ATP2A3: variants seen among roughly 807,000 people sequenced by gnomAD.
ATP2A3 encodes sarcoplasmic/endoplasmic reticulum calcium ATPase 3.
A neutral mutation model predicts 106.8 loss-of-function variants in ATP2A3; 61 were observed. That is an observed-to-expected ratio of 0.57 (90% CI 0.46 to 0.71). ATP2A3 has a LOEUF of 0.71. Among genes scored for constraint, ATP2A3 ranks in the 30% least tolerant of loss-of-function variants. The probability of loss-of-function intolerance (pLI) is 0.00; values close to 1 mark genes in which losing one functional copy is unlikely to be tolerated. For missense variants in ATP2A3, 1,201 were observed against 1,423.5 expected (o/e 0.84, Z 2.52); for synonymous variants, 611 against 609.3 (o/e 1.00, Z -0.04).
rs1304293327 is a variant in ATP2A3 at position 3,929,921 on chromosome 17, C to G, written c.2744+380G>C. The stretch of plus-strand genomic sequence containing the variant: ...CCTCTGATCCCAATCCTGAACCCCC[C>G]AAACATCAGACCCCAACCTGAACCC... On this transcript the variant is annotated intron_variant, in intron 18 of 20. Transcript: ENST00000397041. This position sits in a 1 kb window ranked among gnomAD's most constrained non-coding sequence, Gnocchi z 4.3. 1.3e-5 allele frequency among the ~76,000 whole-genome samples: 2 copies of G among 151,734 alleles called. No homozygotes were observed. Among genetic ancestry groups the G allele is most frequent in the Admixed American group, 1.3e-4 (2 of 15,242 alleles).
chr17:3,951,785 G>T, intron 3 of ATP2A3, 100 bp from the exon 4 acceptor site: 1 of 1,212,202 alleles, frequency 8.2e-7, no homozygotes, highest in East Asian at 2.5e-5. Flanking sequence ...CCCTGCTTTG[G>T]GGAGATAGCA....
chr17:3,927,736 T>C (rs1408870218), intron 20 of ATP2A3: 1 of 967,454 alleles, frequency 1.0e-6, no homozygotes, highest in Non-Finnish European at 1.2e-6. Context: ...AGCCCCTACA[T>C]GTGTCTGGCC....
At position 3,924,878 on chromosome 17, in the gene ATP2A3, C is replaced by T. The variant is rs2052620521; in HGVS notation, c.*544G>A. ...AAGCAGAGTGGAGTGGAGGGGGCTG[C>T]CCACCCTCGCTGTACACAGCTGGGC... On this transcript the variant is annotated 3_prime_UTR_variant, in exon 21 of 21. Transcript: ENST00000397041. This position sits in a 1 kb window ranked among gnomAD's most constrained non-coding sequence, Gnocchi z 6.4. 24 of 456,674 alleles carry T rather than the reference C, an allele frequency of 5.3e-5. No individual in the cohort carries two copies. Among genetic ancestry groups the T allele is most frequent in the South Asian group, 3.6e-4 (23 of 64,530 alleles). The allele number at this position is 456,674 out of a possible 1,614,324, so 28.3% of individuals were successfully genotyped here. A position where few individuals can be genotyped will look rare whatever the true frequency, so the allele number is the denominator to read the frequency against.
Position 3,936,155 on chromosome 17 carries a change from A to G in ATP2A3, c.2524+112T>C. 7.3e-7 allele frequency: 1 copy of G among 1,364,056 alleles called. No individual in the cohort carries two copies. The highest frequency in any genetic ancestry group is 1.2e-5 in the South Asian group (1 of 85,014). The allele number at this position is 1,364,056 out of a possible 1,614,324, so 84.5% of individuals were successfully genotyped here. ...GGTCTTTTCCATTACATGAGCTCATACAGTTTCTACTGGCACAAGCCAGGC... is the reference window on the plus strand; with the variant it reads ...GGTCTTTTCCATTACATGAGCTCATGCAGTTTCTACTGGCACAAGCCAGGC... On this transcript the variant is annotated intron_variant, in intron 16 of 20. Transcript: ENST00000397041. The surrounding 1 kb of genome is among the most constrained non-coding windows in gnomAD (Gnocchi z 5.4).
rs768375080 is a variant in ATP2A3 at position 3,925,369 on chromosome 17, T to A, written c.*53A>T. 2.7e-5 allele frequency: 44 copies of A among 1,613,694 alleles called. No homozygotes were observed. Among genetic ancestry groups the A allele is most frequent in the Non-Finnish European group, 3.7e-5 (44 of 1,179,886 alleles). Reference sequence around the variant, plus strand: ...AGGGTGGGGGGCGGAGGCGAACACATGGGCACCATCAGTCTGAGGTACACA... The same window carrying A: ...AGGGTGGGGGGCGGAGGCGAACACAAGGGCACCATCAGTCTGAGGTACACA... On this transcript the variant is annotated 3_prime_UTR_variant, in exon 21 of 21. Transcript: ENST00000397041. The surrounding 1 kb of genome is among the most constrained non-coding windows in gnomAD (Gnocchi z 4.2).
At position 3,944,700 on chromosome 17, in the gene ATP2A3, C is replaced by T. The variant is rs2053987553; in HGVS notation, c.1287+4G>A. On this transcript the variant is annotated splice_donor_region_variant and intron_variant, in intron 10 of 20. Transcript: ENST00000397041. Reference sequence around the variant, plus strand: ...GGGAGGTCATGAAAGGGGGTGAGGCCCACCTCGTTGTAGTCCAGAGCCGAG... The same window carrying T: ...GGGAGGTCATGAAAGGGGGTGAGGCTCACCTCGTTGTAGTCCAGAGCCGAG... 6.2e-7 allele frequency: 1 copy of T among 1,612,514 alleles called. No homozygotes were observed. The highest frequency in any genetic ancestry group is 2.2e-5 in the East Asian group (1 of 44,858).
intron 1 of ATP2A3, among the ~76,000 whole-genome samples, chr17:3,961,479 C>T (rs561530576): frequency 6.6e-6 from 1 of 151,486 alleles, no homozygotes; most frequent in South Asian, 2.1e-4. Context: ...TGCCGAGGCT[C>T]CCCAGCTCTG....
At position 3,947,503 on chromosome 17, in the gene ATP2A3, C is replaced by CGT; in HGVS notation, c.981_982dup (p.Arg328HisfsTer43). ...CAGGCTTCGCACGATGGCGTTCTTG[C>CGT]GTGCCATGCGCCGCGTGCCCAGTGC... On this transcript the variant is annotated frameshift_variant, in exon 8 of 21. Transcript: ENST00000397041. LOFTEE classifies it high-confidence loss of function. This position sits in a 1 kb window ranked among gnomAD's most constrained non-coding sequence, Gnocchi z 7.7. The CGT allele has an allele frequency of 3.7e-6, 6 of 1,613,500 alleles. No individual in the cohort carries two copies. The highest frequency in any genetic ancestry group is 5.1e-6 in the Non-Finnish European group (6 of 1,180,016).
At chr17:3,958,901 G>GT (rs1242953984) in intron 1 of ATP2A3, among the ~76,000 whole-genome samples, 1 of 102,850 alleles carries the variant, frequency 9.7e-6, no homozygotes, top group Non-Finnish European at 2.0e-5. Context: ...TATATATATT[G>GT]TTTTTTTTCA....
At position 3,951,598 on chromosome 17, in the gene ATP2A3, T is replaced by G. The variant is rs1196023955; in HGVS notation, c.307A>C (p.Ile103Leu). The change falls in exon 4 of 21, where the codon ATT becomes CTT. Residue 103 changes from isoleucine (I) to leucine (L), a missense_variant. By Grantham distance (5) the Ile-to-Leu change is conservative (BLOSUM62 2). Transcript: ENST00000397041. The stretch of plus-strand genomic sequence containing the variant: ...CCTCCCACCTGCCACACGCCCACAA[T>G]GGCGTTGGCCACGAGGATCAGCATG... ...VIMLILVANA[I>L]VGVWQERNAE... 3 of 1,226,428 alleles carry G rather than the reference T, an allele frequency of 2.4e-6. No individual in the cohort carries two copies. 76.0% of individuals were successfully genotyped at this position (1,226,428 alleles called of 1,614,324 possible).
chr17:3,925,336 T>C lies in ATP2A3; in HGVS notation c.*86A>G. 6.2e-7 allele frequency: 1 copy of C among 1,610,560 alleles called. No individual in the cohort carries two copies. Among genetic ancestry groups the C allele is most frequent in the East Asian group, 2.2e-5 (1 of 44,808 alleles). ...GACCCGGTGGGCAAGTGGGCGAGTGTGGTGGCAAGGGTGGGGGGCGGAGGC... is the reference window on the plus strand; with the variant it reads ...GACCCGGTGGGCAAGTGGGCGAGTGCGGTGGCAAGGGTGGGGGGCGGAGGC... On this transcript the variant is annotated 3_prime_UTR_variant, in exon 21 of 21. Coordinates refer to ENST00000397041, the MANE Select transcript of ATP2A3 (RefSeq NM_005173.4). The surrounding 1 kb of genome is among the most constrained non-coding windows in gnomAD (Gnocchi z 4.2).
intron 17 of ATP2A3, among the ~76,000 whole-genome samples, chr17:3,934,668 C>A (rs8077445): frequency 1.3e-5 from 2 of 151,850 alleles, no homozygotes; most frequent in South Asian, 4.2e-4. Flanking sequence ...GGATTACAGG[C>A]GTGCACCACC....
At position 3,924,268 on chromosome 17, in the gene ATP2A3, C is replaced by T. The variant is rs1597546671; in HGVS notation, c.*1154G>A. The T allele has an allele frequency of 6.5e-6, 1 of 154,858 alleles. No homozygotes were observed. The highest frequency in any genetic ancestry group is 1.4e-5 in the Non-Finnish European group (1 of 69,812). 9.6% of individuals were successfully genotyped at this position (154,858 alleles called of 1,614,324 possible). A position where few individuals can be genotyped will look rare whatever the true frequency, so the allele number is the denominator to read the frequency against. On this transcript the variant is annotated 3_prime_UTR_variant, in exon 21 of 21. Coordinates refer to ENST00000397041, the MANE Select transcript of ATP2A3 (RefSeq NM_005173.4). The surrounding 1 kb of genome is among the most constrained non-coding windows in gnomAD (Gnocchi z 6.4). ...TCTGCTACCCCTCGCTAGTTTTTGC[C>T]AAAGTAGCAAAAGCTGAGTTAAGAG...
rs114063959 is a variant in ATP2A3, at chr17:3,936,050, G to A, written c.2524+217C>T. Reference sequence around the variant, plus strand: ...GCTGCAGCAGCCATTCTGCCACCATGAGGGACGTGGGCCTGAGAATGAAGC... The same window carrying A: ...GCTGCAGCAGCCATTCTGCCACCATAAGGGACGTGGGCCTGAGAATGAAGC... On this transcript the variant is annotated intron_variant, in intron 16 of 20. Coordinates refer to ENST00000397041, the MANE Select transcript of ATP2A3 (RefSeq NM_005173.4). The surrounding 1 kb of genome is among the most constrained non-coding windows in gnomAD (Gnocchi z 5.4). Among the ~76,000 whole-genome samples the A allele has an allele frequency of 8.8e-3, 1,340 of 152,350 alleles. 25 individuals are homozygous for A. The highest frequency in any genetic ancestry group is 0.031 in the African/African-American group (1,274 of 41,576).
rs73971770 is a variant in ATP2A3, at chr17:3,953,703, C to T, written c.126G>A (p.Pro42=). 24 of 1,569,694 alleles carry T rather than the reference C, an allele frequency of 1.5e-5. No individual in the cohort carries two copies. The highest frequency in any genetic ancestry group is 9.4e-5 in the South Asian group (8 of 85,378). Residue 42 remains proline, a synonymous_variant, in exon 2 of 21, where the codon CCG becomes CCA. Coordinates refer to ENST00000397041, the MANE Select transcript of ATP2A3 (RefSeq NM_005173.4). The surrounding 1 kb of genome is among the most constrained non-coding windows in gnomAD (Gnocchi z 5.1). ...CGGTGCCAGCCTCACCTTCCTCACTCGGGAGCTCTGCAGGATCCAGGCAGC... is the reference window on the plus strand; with the variant it reads ...CGGTGCCAGCCTCACCTTCCTCACTTGGGAGCTCTGCAGGATCCAGGCAGC... ...ARERYGPNEL[P]SEEGKSLWEL...
At chr17:3,958,486 C>T (rs140153414) in intron 1 of ATP2A3, among the ~76,000 whole-genome samples, 2 of 152,134 alleles carry the variant, frequency 1.3e-5, no homozygotes, top group East Asian at 1.9e-4. Flanking sequence ...AACTTTAGCA[C>T]GGGCTTCAGG....
chr17:3,959,925 T>C (rs924115508), intron 1 of ATP2A3, among the ~76,000 whole-genome samples: 3 of 152,206 alleles, frequency 2.0e-5, no homozygotes, highest in African/African-American at 2.4e-5. Context: ...ATACAGGCCC[T>C]GCCTTAGGGT....
chr17:3,928,369 A>T lies in ATP2A3; in HGVS notation c.2980+294T>A, dbSNP rs771799041. The T allele has an allele frequency of 7.2e-5, 113 of 1,574,260 alleles. No individual in the cohort carries two copies. Among genetic ancestry groups the T allele is most frequent in the Non-Finnish European group, 9.6e-5 (110 of 1,148,010 alleles). ...CAGAGGCTGAGGCCCAGAAGAGCAC[A>T]CAGTGCCCTGGCCATGTAGGGGGTG... On this transcript the variant is annotated intron_variant, in intron 20 of 20. Transcript: ENST00000397041. This position sits in a 1 kb window ranked among gnomAD's most constrained non-coding sequence, Gnocchi z 6.1.
Position 3,924,955 on chromosome 17 carries a change from C to T in ATP2A3, c.*467G>A, listed in dbSNP as rs1007535103. On this transcript the variant is annotated 3_prime_UTR_variant, in exon 21 of 21. Transcript: ENST00000397041. The surrounding 1 kb of genome is among the most constrained non-coding windows in gnomAD (Gnocchi z 6.4). ...GGCTGACCCAGTCCCAGACCAGGCA[C>T]GAAGAGAGAGGTCAGAGCCGGTAAG... 1.2e-4 allele frequency: 51 copies of T among 410,654 alleles called. No homozygotes were observed. In the East Asian group the frequency reaches 2.1e-3, roughly 17 times the overall value. 25.4% of individuals were successfully genotyped at this position (410,654 alleles called of 1,614,324 possible).
Sources: allele counts gnomAD v4.1 joint callset (sites outside exome capture counted in the v4.1 genomes callset), GRCh38; gene constraint gnomAD v4.1.1; non-coding constraint Gnocchi (gnomAD v3.1); transcripts MANE v1.5; gene names NCBI Gene and HGNC (gene_info 2026-07-23, HGNC 2026-07-21).